The following VIPAS39 variants were observed in gnomAD, a reference collection of about 807,000 sequenced individuals.
VIPAS39 encodes VPS33B interacting protein, apical-basolateral polarity regulator, spe-39 homolog.
In VIPAS39, 63 loss-of-function variants were observed where a neutral mutation model predicts 84.7. That is an observed-to-expected ratio of 0.74 (90% CI 0.61 to 0.92). The LOEUF (loss-of-function observed/expected upper bound fraction) is 0.92, where lower values mean the gene tolerates loss of function less well. Ranked by LOEUF, VIPAS39 falls within the 40% of genes least tolerant of loss-of-function variation. The pLI is 0.00. For missense variants in VIPAS39, 499 were observed against 604.5 expected (o/e 0.83, Z 1.83); for synonymous variants, 192 against 216.5 (o/e 0.89, Z 0.99).
At position 77,427,650 on chromosome 14, in the gene VIPAS39, A is replaced by G. The variant is rs1249830924; in HGVS notation, c.1462-14T>C. On this transcript the variant is annotated splice_polypyrimidine_tract_variant and intron_variant, in intron 19 of 19. Coordinates refer to ENST00000557658, the MANE Select transcript of VIPAS39 (RefSeq NM_001193315.2). ...CCATCGAATTTGCTGTGGAAAGAGGAAACAATGAAAGTGTGTGATCAGTTT... is the reference window on the plus strand; with the variant it reads ...CCATCGAATTTGCTGTGGAAAGAGGGAACAATGAAAGTGTGTGATCAGTTT... 2 of 1,614,086 alleles carry G rather than the reference A, an allele frequency of 1.2e-6. No individual in the cohort carries two copies. The highest frequency in any genetic ancestry group is 2.7e-5 in the African/African-American group (2 of 74,940).
chr14:77,438,892 TAAATGTAA>T (rs1355912798), intron 11 of VIPAS39, among the ~76,000 whole-genome samples: 9 of 152,330 alleles, frequency 5.9e-5, no homozygotes, highest in Admixed American at 1.3e-4. Flanking sequence ...TATAAAAATG[TAAATGTAA>T]AAATGTAAAT....
chr14:77,442,808 C>T (rs1566731317), intron 9 of VIPAS39, 146 bp from the exon 10 acceptor site: 1 of 820,910 alleles, frequency 1.2e-6, no homozygotes, highest in Non-Finnish European at 2.0e-6. Context: ...TCTTAATTCA[C>T]CATCAACACA....
Position 77,435,296 on chromosome 14 carries a change from A to C in VIPAS39, c.1010T>G (p.Leu337Arg). 6.2e-7 allele frequency: 1 copy of C among 1,613,894 alleles called. No individual in the cohort carries two copies. Among genetic ancestry groups the C allele is most frequent in the Non-Finnish European group, 8.5e-7 (1 of 1,179,946 alleles). The stretch of plus-strand genomic sequence containing the variant: ...GTAGTGATAGAAGCAGGAGTAGAAA[A>C]GTGTTGTCACTAGTGGCATGTTGAG... ...SILNMPLVTT[L>R]FYSCFYHYTE... The change falls in exon 14 of 20, where the codon CTT (leucine) becomes CGT (arginine). Residue 337 changes from leucine (L) to arginine (R), a missense_variant. Physicochemically the swap from Leu to Arg is moderately radical, Grantham distance 102 (BLOSUM62 -2). Transcript: ENST00000557658.
chr14:77,439,064 T>A (rs924160583), intron 11 of VIPAS39, among the ~76,000 whole-genome samples: 9 of 152,194 alleles, frequency 5.9e-5, no homozygotes, highest in Admixed American at 3.3e-4. Context: ...CATTTCATCC[T>A]TAGGTCTTTC....
At position 77,428,597 on chromosome 14, in the gene VIPAS39, G is replaced by C. The variant is rs56912601; in HGVS notation, c.1357-123C>G. 3.8e-5 allele frequency: 30 copies of C among 789,248 alleles called. No individual in the cohort carries two copies. In the East Asian group the frequency reaches 7.2e-4, roughly 19 times the overall value. The allele number at this position is 789,248 out of a possible 1,614,324, so 48.9% of individuals were successfully genotyped here. ...CTCTCCTTAGGCTCCTGAGTAGCTG[G>C]AACTACTGGTGTGTGCTACTGTGTA... On this transcript the variant is annotated intron_variant, in intron 18 of 19. Transcript: ENST00000557658.
intron 3 of VIPAS39, 30 bp from the exon 4 acceptor site, chr14:77,451,363 T>C (rs1484961599): frequency 6.2e-7 from 1 of 1,614,006 alleles, no homozygotes; most frequent in Non-Finnish European, 8.5e-7. Context: ...ACATCAGCAA[T>C]TCTCATCCAC....
chr14:77,451,101 T>G, intron 4 of VIPAS39, 86 bp downstream of exon 4: 1 of 1,591,724 alleles, frequency 6.3e-7, no homozygotes. Context: ...ATAATCTTTT[T>G]CTTACAAAGT....
At chr14:77,433,985 G>C in intron 15 of VIPAS39, 54 bp from the exon 16 acceptor site, 4 of 1,552,760 alleles carry the variant, frequency 2.6e-6, no homozygotes, top group Non-Finnish European at 3.6e-6. Flanking sequence ...CATCAATGGG[G>C]GTGCTTAAGA....
chr14:77,428,373 G>A lies in VIPAS39; in HGVS notation c.1458C>T (p.Ser486=). The A allele has an allele frequency of 3.1e-6, 5 of 1,613,724 alleles. No homozygotes were observed. Among genetic ancestry groups the A allele is most frequent in the Non-Finnish European group, 4.2e-6 (5 of 1,179,764 alleles). Residue 486 remains serine (S), a synonymous_variant, in exon 19 of 20, where the codon AGC becomes AGT. Coordinates refer to ENST00000557658, the MANE Select transcript of VIPAS39 (RefSeq NM_001193315.2). ...EEEKIDALLS[S]SQIRWKN ...GGGGTGAACTGTAGCTGCTCACCGA[G>A]CTGCTGAGAAGAGCATCAATCTTCT...
intron 10 of VIPAS39, among the ~76,000 whole-genome samples, chr14:77,442,295 T>C (rs1197150889): frequency 6.6e-6 from 1 of 152,178 alleles, no homozygotes; most frequent in Non-Finnish European, 1.5e-5. Context: ...GTTGATAACT[T>C]GGCCAAGGTC....
At position 77,429,737 on chromosome 14, in the gene VIPAS39, G is replaced by C. The variant is rs749276981; in HGVS notation, c.1210C>G (p.Pro404Ala). 5 of 1,614,072 alleles carry C rather than the reference G, an allele frequency of 3.1e-6. No individual in the cohort carries two copies. Among genetic ancestry groups the C allele is most frequent in the Middle Eastern group, 1.6e-4 (1 of 6,082 alleles). Residue 404 changes from proline to alanine, a missense_variant, in exon 17 of 20, where the codon CCC (proline) becomes GCC (alanine). Pro to Ala is a conservative substitution (Grantham distance 27). Transcript: ENST00000557658. ...NWLGYTKKRA[P>A]IGFHRVVEIL... is the part of the protein sequence containing the mutation. ...TCGACAACCCGATGGAAGCCAATGGGTGCTCTCTTCTTGGTATAGCCCAGC... is the reference window on the plus strand; with the variant it reads ...TCGACAACCCGATGGAAGCCAATGGCTGCTCTCTTCTTGGTATAGCCCAGC...
intron 4 of VIPAS39, 129 bp from the exon 5 acceptor site, chr14:77,449,881 T>C (rs933425765): frequency 5.4e-6 from 6 of 1,113,928 alleles, no homozygotes; most frequent in Non-Finnish European, 8.0e-6. Flanking sequence ...AAAAAGGTTT[T>C]ATTCATCTGT....
intron 16 of VIPAS39, among the ~76,000 whole-genome samples, chr14:77,430,507 A>G (rs2078504519): frequency 6.6e-6 from 1 of 152,134 alleles, no homozygotes; most frequent in East Asian, 1.9e-4. Flanking sequence ...ACTTGAGGCC[A>G]GGAGTTCGAG....
At chr14:77,443,042 T>C (rs796351649) in intron 9 of VIPAS39, 77 bp downstream of exon 9, 1 of 1,585,936 alleles carries the variant, frequency 6.3e-7, no homozygotes, top group Non-Finnish European at 8.7e-7. Context: ...AATTCTGGTA[T>C]GAAAGGCACA....
At chr14:77,454,852 T>G (rs1289751979) in intron 1 of VIPAS39, among the ~76,000 whole-genome samples, 1 of 152,050 alleles carries the variant, frequency 6.6e-6, no homozygotes, top group African/African-American at 2.4e-5. Flanking sequence ...CAGACAAAAA[T>G]TGCATTCACA....
At position 77,435,406 on chromosome 14, in the gene VIPAS39, G is replaced by A. The variant is rs564950991; in HGVS notation, c.913-13C>T. On this transcript the variant is annotated splice_polypyrimidine_tract_variant and intron_variant, in intron 13 of 19. Coordinates refer to ENST00000557658, the MANE Select transcript of VIPAS39 (RefSeq NM_001193315.2). Reference sequence around the variant, plus strand: ...GGCGATCATTTGCCTGTGGTGGAGTGAGCCAAGTGAAAAAAAAAAAAAACA... The same window carrying A: ...GGCGATCATTTGCCTGTGGTGGAGTAAGCCAAGTGAAAAAAAAAAAAAACA... The A allele has an allele frequency of 8.4e-5, 105 of 1,250,028 alleles. No individual in the cohort carries two copies. The highest frequency in any genetic ancestry group is 2.1e-4 in the Admixed American group (9 of 42,038). The allele number at this position is 1,250,028 out of a possible 1,614,324, so 77.4% of individuals were successfully genotyped here.
rs753677499 is a variant in VIPAS39, at chr14:77,451,283, C to T, written c.247G>A (p.Glu83Lys). 2.7e-5 allele frequency: 43 copies of T among 1,614,064 alleles called. No individual in the cohort carries two copies. In the Admixed American group the frequency reaches 4.5e-4, roughly 17 times the overall value. ...CGGCTCTTTAGCTGTTCACGCCCCT[C>T]GTGGGTTGAGCCGCTATTACCAGCA... is the stretch of plus-strand genomic sequence containing the variant. ...ETAGNSGSTH[E>K]GREQLKSRNS... is the part of the protein sequence containing the mutation. Residue 83 changes from glutamate to lysine, a missense_variant, in exon 4 of 20, where the codon GAG (glutamate) becomes AAG (lysine). By Grantham distance (56) the Glu-to-Lys change is moderately conservative (BLOSUM62 1). Coordinates refer to ENST00000557658, the MANE Select transcript of VIPAS39 (RefSeq NM_001193315.2).
At position 77,457,516 on chromosome 14, in the gene VIPAS39, C is replaced by G. The variant is rs932299756; in HGVS notation, c.-22G>C. 23 of 951,034 alleles carry G rather than the reference C, an allele frequency of 2.4e-5. No homozygotes were observed. The highest frequency in any genetic ancestry group is 4.9e-5 in the African/African-American group (3 of 60,962). The allele number at this position is 951,034 out of a possible 1,614,324, so 58.9% of individuals were successfully genotyped here. A position where few individuals can be genotyped will look rare whatever the true frequency, so the allele number is the denominator to read the frequency against. On this transcript the variant is annotated 5_prime_UTR_variant, in exon 1 of 20. Transcript: ENST00000557658. Reference sequence around the variant, plus strand: ...TCACCTCTTCCGCACAGAGCCCTCCCTCTCAGGACAGCGCCAGCCTCCGCC... The same window carrying G: ...TCACCTCTTCCGCACAGAGCCCTCCGTCTCAGGACAGCGCCAGCCTCCGCC...
chr14:77,449,932 ATTT>A (rs1367491105), intron 4 of VIPAS39, among the ~76,000 whole-genome samples, 180 bp from the exon 5 acceptor site: 1 of 152,128 alleles, frequency 6.6e-6, no homozygotes, highest in Non-Finnish European at 1.5e-5. Flanking sequence ...CAGGGAGAAA[ATTT>A]TTTTTAATTA....
Sources: gnomAD v4.1 joint callset for allele counts (sites outside exome capture counted in the v4.1 genomes callset) on GRCh38, gnomAD v4.1.1 for gene constraint, MANE v1.5 for transcripts, NCBI Gene and HGNC (gene_info 2026-07-23, HGNC 2026-07-21) for gene names.